Variants in ACBD6 observed in about 807,000 individuals in gnomAD.
The protein encoded by ACBD6 is acyl-CoA binding domain containing 6.
In ACBD6, 28 loss-of-function variants were observed where a neutral mutation model predicts 37.2. The observed-to-expected ratio is 0.75, with a 90% CI of 0.56 to 1.03. The LOEUF is 1.03. ACBD6 is among the 50% of genes least tolerant of loss of function. The pLI is 0.00. For synonymous variants in ACBD6, 113 were observed against 126.8 expected, an observed-to-expected ratio of 0.89 and a Z score of 0.73; for missense variants, 340 against 337.4, an observed-to-expected ratio of 1.01 and a Z score of -0.06.
At chr1:180,410,325 C>A (rs986539551) in intron 5 of ACBD6, among the ~76,000 whole-genome samples, 1 of 152,220 alleles carries the variant, frequency 6.6e-6, no homozygotes, top group African/African-American at 2.4e-5. Context: ...TGACTACACT[C>A]AACAACGATC....
At chr1:180,468,386 A>C (rs185897947) in intron 3 of ACBD6, among the ~76,000 whole-genome samples, 3 of 152,310 alleles carry the variant, frequency 2.0e-5, no homozygotes, top group African/African-American at 7.2e-5. Context: ...CTCACACCAA[A>C]GGAGGCTAAG....
intron 6 of ACBD6, among the ~76,000 whole-genome samples, chr1:180,324,768 T>C (rs1651194274): frequency 2.0e-5 from 3 of 152,234 alleles, no homozygotes; most frequent in South Asian, 2.1e-4. Context: ...GCATTTCTTA[T>C]AGGACAGGTG....
chr1:180,388,998 A>C (rs1425100422), intron 6 of ACBD6, among the ~76,000 whole-genome samples: 1 of 151,228 alleles, frequency 6.6e-6, no homozygotes, highest in East Asian at 1.9e-4. Flanking sequence ...CTATAGATTC[A>C]ATGCAATTTT....
chr1:180,462,122 G>C (rs573128642), intron 3 of ACBD6, among the ~76,000 whole-genome samples: 1 of 152,098 alleles, frequency 6.6e-6, no homozygotes, highest in Non-Finnish European at 1.5e-5. Context: ...TGTAGTCCCA[G>C]CTATTTAGGG....
At chr1:180,447,271 G>A (rs2102021355) in intron 3 of ACBD6, among the ~76,000 whole-genome samples, 1 of 152,040 alleles carries the variant, frequency 6.6e-6, no homozygotes. Context: ...AAAGACTGAA[G>A]AACACTTTTT....
intron 3 of ACBD6, among the ~76,000 whole-genome samples, chr1:180,461,457 T>C (rs28816398): frequency 0.16 from 24,305 of 152,014 alleles, 1,992 homozygotes; most frequent in Middle Eastern, 0.22. Context: ...CCAAGACACA[T>C]AATCATCAGA....
intron 3 of ACBD6, among the ~76,000 whole-genome samples, chr1:180,468,370 C>T (rs1305670552): frequency 3.9e-5 from 6 of 152,248 alleles, no homozygotes; most frequent in South Asian, 4.1e-4. Flanking sequence ...CCTGCTGACG[C>T]GGGTCCTCAC....
chr1:180,346,376 C>G (rs1652182011), intron 6 of ACBD6, among the ~76,000 whole-genome samples: 1 of 151,994 alleles, frequency 6.6e-6, no homozygotes, highest in East Asian at 1.9e-4. Context: ...GGCAGAAATC[C>G]AAAGTAAGCC....
intron 6 of ACBD6, among the ~76,000 whole-genome samples, chr1:180,397,275 G>C (rs569468274): frequency 6.6e-6 from 1 of 152,256 alleles, no homozygotes; most frequent in Admixed American, 6.5e-5. Context: ...TGGTTGCCAA[G>C]GTCTGGGGCA....
intron 6 of ACBD6, among the ~76,000 whole-genome samples, chr1:180,350,211 A>C (rs1652356931): frequency 2.0e-5 from 3 of 151,958 alleles, no homozygotes; most frequent in Admixed American, 1.3e-4. Flanking sequence ...TACTTGTATT[A>C]ATAGAAAAGA....
chr1:180,346,467 G>C (rs961210761), intron 6 of ACBD6, among the ~76,000 whole-genome samples: 2 of 152,144 alleles, frequency 1.3e-5, no homozygotes, highest in Non-Finnish European at 2.9e-5. Context: ...CCACTTTCAT[G>C]ATGGAGGGCA....
exon 14 of ACBD6, chr1:180,270,465 A>T (rs1648577920): frequency 6.6e-6 from 1 of 152,190 alleles, no homozygotes; most frequent in Non-Finnish European, 1.5e-5. Context: ...TGGGAGAGGA[A>T]ACAAACCTTT....
intron 6 of ACBD6, among the ~76,000 whole-genome samples, chr1:180,336,964 T>C (rs1651746974): frequency 6.6e-6 from 1 of 152,078 alleles, no homozygotes; most frequent in African/African-American, 2.4e-5. Context: ...AGGAAGAAGT[T>C]GAATCTCTGA....
At chr1:180,304,393 G>A (rs1002408311) in intron 7 of ACBD6, among the ~76,000 whole-genome samples, 15 of 150,820 alleles carry the variant, frequency 9.9e-5, no homozygotes, top group African/African-American at 2.9e-4. Context: ...TAAGCTGATA[G>A]GCAACTTGAG....
chr1:180,449,336 T>C (rs1323465277), intron 3 of ACBD6, among the ~76,000 whole-genome samples: 1 of 152,120 alleles, frequency 6.6e-6, no homozygotes, highest in African/African-American at 2.4e-5. Context: ...ATTATCTACA[T>C]TCCATAAACT....
At chr1:180,351,759 G>A (rs1289675246) in intron 6 of ACBD6, among the ~76,000 whole-genome samples, 1 of 152,010 alleles carries the variant, frequency 6.6e-6, no homozygotes, top group Non-Finnish European at 1.5e-5. Context: ...AAATGGCTTG[G>A]CAATTCCTCA....
At chr1:180,342,395 TA>T (rs1208672291) in intron 6 of ACBD6, among the ~76,000 whole-genome samples, 1 of 152,164 alleles carries the variant, frequency 6.6e-6, no homozygotes, top group Non-Finnish European at 1.5e-5. Flanking sequence ...ACAATTATCT[TA>T]AATTATTATC....
chr1:180,467,688 A>T (rs897634136), intron 3 of ACBD6, among the ~76,000 whole-genome samples: 1 of 152,040 alleles, frequency 6.6e-6, no homozygotes. Context: ...CCAAAATGAG[A>T]TCAATCTAAA....
At chr1:180,440,062 G>T (rs1453797000) in intron 3 of ACBD6, among the ~76,000 whole-genome samples, 2 of 151,844 alleles carry the variant, frequency 1.3e-5, no homozygotes, top group Middle Eastern at 3.2e-3. Flanking sequence ...GTTCAGTTCA[G>T]TTGGCAATGA....
Sources: allele counts gnomAD v4.1 joint callset (sites outside exome capture counted in the v4.1 genomes callset), GRCh38; gene constraint gnomAD v4.1.1; transcripts MANE v1.5; gene names NCBI Gene and HGNC (gene_info 2026-07-23, HGNC 2026-07-21).